The following PTPRD variants were observed in gnomAD, a reference collection of about 807,000 sequenced individuals.
PTPRD encodes the protein protein tyrosine phosphatase receptor type D, also known as receptor-type tyrosine-protein phosphatase delta.
PTPRD carries 34 observed loss-of-function variants against 214.5 expected under a neutral mutation model. The observed-to-expected ratio is 0.16, with a 90% confidence interval of 0.12 to 0.21. The LOEUF is 0.21. Among genes scored for constraint, PTPRD ranks in the 10% least tolerant of loss-of-function variants. The pLI is 1.00. For synonymous variants in PTPRD, 1,128 were observed against 845.7 expected, an observed-to-expected ratio of 1.33 and a Z score of -5.79; for missense variants, 2,545 against 2,398.7, an observed-to-expected ratio of 1.06 and a Z score of -1.27.
intron 2 of PTPRD, among the ~76,000 whole-genome samples, chr9:10,576,968 CTT>C (rs5896404): frequency 2.2e-4 from 33 of 151,544 alleles, no homozygotes; most frequent in African/African-American, 4.8e-4. Flanking sequence ...TTTATTTCTA[CTT>C]TTTTTTTTAA....
chr9:9,429,994 G>C (rs2082454318), intron 8 of PTPRD, among the ~76,000 whole-genome samples: 1 of 152,122 alleles, frequency 6.6e-6, no homozygotes, highest in African/African-American at 2.4e-5. Context: ...ACTGGCACAA[G>C]ACAGGGATGC....
In PTPRD at chr9:8,942,837, C is replaced by CA. The variant is rs143238233; in HGVS notation, c.-104+75859dup. Among the ~76,000 whole-genome samples, 677 of 151,998 alleles carry CA rather than the reference C, an allele frequency of 4.5e-3. 4 individuals carry two copies. The highest frequency in any genetic ancestry group is 0.016 in the African/African-American group (656 of 41,496). On this transcript the variant is annotated intron_variant, in intron 11 of 45. Transcript: ENST00000381196. ...AAAAAAATTTCTTTGCAGAAGAAGC[C>CA]AAATTATCCTTGTTTGCAGATGGTA...
At chr9:8,503,253 TA>T (rs1303345379) in intron 23 of PTPRD, among the ~76,000 whole-genome samples, 1 of 152,146 alleles carries the variant, frequency 6.6e-6, no homozygotes, top group Non-Finnish European at 1.5e-5. Context: ...ATGAATCTTT[TA>T]AATCACAAAT....
rs58888734 is a variant in PTPRD, at chr9:10,490,991, T to G, written c.-600+121407A>C. Reference sequence around the variant, plus strand: ...CACATAATCACTAGATTTACACACATATACAAACATATATAATTTATTTGC... The same window carrying G: ...CACATAATCACTAGATTTACACACAGATACAAACATATATAATTTATTTGC... On this transcript the variant is annotated intron_variant, in intron 2 of 45. Transcript: ENST00000381196. 5.9e-3 allele frequency among the ~76,000 whole-genome samples: 905 copies of G among 152,288 alleles called. 6 individuals carry two copies. Among genetic ancestry groups the G allele is most frequent in the African/African-American group, 0.021 (872 of 41,576 alleles).
chr9:9,857,871 AAT>A (rs2061859094), intron 5 of PTPRD, among the ~76,000 whole-genome samples: 1 of 152,150 alleles, frequency 6.6e-6, no homozygotes, highest in Non-Finnish European at 1.5e-5. Flanking sequence ...AGAGAACATT[AAT>A]ATCTTTTAAA....
intron 11 of PTPRD, among the ~76,000 whole-genome samples, chr9:8,840,299 C>T (rs909282843): frequency 9.2e-5 from 14 of 152,086 alleles, no homozygotes; most frequent in Non-Finnish European, 1.9e-4. Flanking sequence ...ATGCTGTTCT[C>T]GTGATAGCAA....
chr9:10,201,196 T>A (rs1177074840), intron 3 of PTPRD, among the ~76,000 whole-genome samples: 1 of 151,984 alleles, frequency 6.6e-6, no homozygotes, highest in African/African-American at 2.4e-5. Context: ...GGAAACCATT[T>A]CAACATGGAA....
rs368792441 is a variant in PTPRD, at chr9:10,327,346, C to G, written c.-545+13617G>C. Among the ~76,000 whole-genome samples, 113 of 151,500 alleles carry G rather than the reference C, an allele frequency of 7.5e-4. 2 individuals carry two copies. In the South Asian group the frequency reaches 0.021, roughly 28 times the overall value. On this transcript the variant is annotated intron_variant, in intron 3 of 45. Transcript: ENST00000381196. ...TAATAGAAACGACCAGATCATTTAT[C>G]ATTTGTTGGGCTAACATAAGTATTT...
chr9:10,486,780 G>A (rs890550229), intron 2 of PTPRD, among the ~76,000 whole-genome samples: 2 of 152,144 alleles, frequency 1.3e-5, no homozygotes, highest in Non-Finnish European at 2.9e-5. Flanking sequence ...GTATTCTGAA[G>A]CCATTGGTTA....
chr9:9,879,357 G>GA (rs2067903106), intron 5 of PTPRD, among the ~76,000 whole-genome samples: 2 of 152,002 alleles, frequency 1.3e-5, no homozygotes, highest in African/African-American at 4.8e-5. Context: ...CTTGTGATGA[G>GA]AAAAAAATGC....
intron 9 of PTPRD, among the ~76,000 whole-genome samples, chr9:9,240,314 T>A (rs1337871807): frequency 3.3e-5 from 5 of 152,290 alleles, no homozygotes; most frequent in African/African-American, 1.2e-4. Context: ...CTATATATAT[T>A]TTGACATCTT....
chr9:8,329,719 A>T (rs1242877591), intron 44 of PTPRD, among the ~76,000 whole-genome samples: 1 of 152,108 alleles, frequency 6.6e-6, no homozygotes, highest in Non-Finnish European at 1.5e-5. Flanking sequence ...TGCCCTGCCC[A>T]GGGAGGAGTA....
chr9:9,221,741 G>C (rs948423444), intron 9 of PTPRD, among the ~76,000 whole-genome samples: 1 of 151,914 alleles, frequency 6.6e-6, no homozygotes, highest in African/African-American at 2.4e-5. Flanking sequence ...ATACACTTTG[G>C]AGGACCAGAA....
At chr9:8,482,900 A>T (rs1259377364) in intron 30 of PTPRD, among the ~76,000 whole-genome samples, 1 of 152,088 alleles carries the variant, frequency 6.6e-6, no homozygotes, top group African/African-American at 2.4e-5. Flanking sequence ...ATCCCTTAAG[A>T]TTTAAGTTCA....
intron 9 of PTPRD, among the ~76,000 whole-genome samples, chr9:9,227,222 T>C (rs1446368696): frequency 6.6e-6 from 1 of 152,114 alleles, no homozygotes; most frequent in African/African-American, 2.4e-5. Flanking sequence ...GTGAAGCCCT[T>C]GAGTAATTTT....
chr9:9,966,650 G>T (rs7018679), intron 4 of PTPRD, among the ~76,000 whole-genome samples: 3,058 of 152,230 alleles, frequency 0.02, 94 homozygotes, highest in African/African-American at 0.068. Flanking sequence ...TAGGAAAAAA[G>T]TCATGAATGG....
chr9:10,512,030 GTA>G (rs60793476), intron 2 of PTPRD, among the ~76,000 whole-genome samples: 45,410 of 77,600 alleles, frequency 0.59, 13,963 homozygotes, highest in South Asian at 0.68. Flanking sequence ...ATATATATAT[GTA>G]TATATATATA....
chr9:8,546,884 G>A (rs146520915), intron 14 of PTPRD, among the ~76,000 whole-genome samples: 4 of 152,116 alleles, frequency 2.6e-5, no homozygotes, highest in Non-Finnish European at 1.5e-5. Flanking sequence ...TCTTTCTCAC[G>A]TCTAGAGATG....
intron 11 of PTPRD, among the ~76,000 whole-genome samples, chr9:8,774,306 G>C (rs1402744105): frequency 3.3e-5 from 5 of 151,964 alleles, no homozygotes; most frequent in African/African-American, 1.2e-4. Context: ...TTGCTAATTT[G>C]AATAACATAT....
Sources: gnomAD v4.1 joint callset for allele counts (sites outside exome capture counted in the v4.1 genomes callset) on GRCh38, gnomAD v4.1.1 for gene constraint, MANE v1.5 for transcripts, NCBI Gene and HGNC (gene_info 2026-07-23, HGNC 2026-07-21) for gene names.